CD99: variants seen among roughly 807,000 people sequenced by gnomAD.
CD99 encodes CD99 antigen.
In CD99, 19 loss-of-function variants were observed where a neutral mutation model predicts 28.4. The ratio of observed to expected loss-of-function variants is 0.67; its 90% CI spans 0.47 to 0.98. The LOEUF (loss-of-function observed/expected upper bound fraction) is 0.98, where lower values mean the gene tolerates loss of function less well. Among genes scored for constraint, CD99 ranks in the 50% least tolerant of loss-of-function variants. The pLI, the probability that CD99 is intolerant of heterozygous loss-of-function variation, is 0.00. For missense variants in CD99, 283 were observed against 248.8 expected (o/e 1.14, Z -0.92); for synonymous variants, 103 against 92.1 (o/e 1.12, Z -0.67).
chrX:2,691,969 C>G (rs1569421723), intron 1 of CD99: 1 of 770,596 alleles, frequency 1.3e-6, no homozygotes, highest in East Asian at 2.4e-5. Flanking sequence ...CAAAAATACT[C>G]TGTGGATGCG....
intron 2 of CD99, among the ~76,000 whole-genome samples, chrX:2,716,365 C>G (rs1250311192): frequency 6.6e-6 from 1 of 151,896 alleles, no homozygotes; most frequent in Non-Finnish European, 1.5e-5. Flanking sequence ...GAGACACTGT[C>G]TCGCTGTGTT....
chrX:2,710,514 G>GTTTTTT (rs759886806), intron 1 of CD99, among the ~76,000 whole-genome samples: 1 of 149,924 alleles, frequency 6.7e-6, no homozygotes, highest in African/African-American at 2.5e-5. Flanking sequence ...CACGTGTGGG[G>GTTTTTT]TTTTTTTTTG....
chrX:2,731,039 G>C (rs1215170590), intron 8 of CD99, among the ~76,000 whole-genome samples: 1 of 152,034 alleles, frequency 6.6e-6, no homozygotes, highest in African/African-American at 2.4e-5. Flanking sequence ...CTCACAGCTT[G>C]GTTTTTATAC....
chrX:2,709,303 A>C (rs1041405782), intron 1 of CD99, among the ~76,000 whole-genome samples: 1 of 144,828 alleles, frequency 6.9e-6, no homozygotes, highest in African/African-American at 2.5e-5. Flanking sequence ...AAAACACACA[A>C]GCACATGCAC....
At position 2,740,660 on chromosome X, in the gene CD99, T is replaced by C; in HGVS notation, c.533-119T>C. The C allele has an allele frequency of 3.3e-6, 3 of 904,598 alleles. No homozygotes were observed. In the South Asian group the frequency reaches 4.9e-5, roughly 15 times the overall value. 56.0% of individuals were successfully genotyped at this position (904,598 alleles called of 1,614,324 possible). A position where few individuals can be genotyped will look rare whatever the true frequency, so the allele number is the denominator to read the frequency against. On this transcript the variant is annotated intron_variant, in intron 9 of 9. Transcript: ENST00000381192. Reference sequence around the variant, plus strand: ...GGGTTTTGCTTTCTCGTGATGAGTTTTGGGCCCATTTTTCTTATGCAGAAA... The same window carrying C: ...GGGTTTTGCTTTCTCGTGATGAGTTCTGGGCCCATTTTTCTTATGCAGAAA...
At chrX:2,710,198 G>A (rs1213438497) in intron 1 of CD99, among the ~76,000 whole-genome samples, 1 of 152,158 alleles carries the variant, frequency 6.6e-6, no homozygotes, top group African/African-American at 2.4e-5. Flanking sequence ...CTGTGTTCCG[G>A]CCGTGGGGTG....
At chrX:2,694,078 GCCGTCCCGACAGTA>G (rs1384789858) in intron 1 of CD99, among the ~76,000 whole-genome samples, 2 of 152,172 alleles carry the variant, frequency 1.3e-5, no homozygotes, top group Non-Finnish European at 2.9e-5. Context: ...TTAGGAGCCT[GCCGTCCCGACAGTA>G]GAGTCGCACA....
intron 8 of CD99, among the ~76,000 whole-genome samples, chrX:2,728,582 G>A (rs866373259): frequency 6.6e-6 from 1 of 152,124 alleles, no homozygotes. Flanking sequence ...AGAGACGTAC[G>A]ATTAGAATCA....
intron 2 of CD99, chrX:2,715,297 A>G (rs969481999): frequency 6.6e-6 from 1 of 152,248 alleles, no homozygotes; most frequent in Non-Finnish European, 1.5e-5. Context: ...CTTAAACCAC[A>G]GGGATTTATC....
Position 2,700,271 on chromosome X carries a change from T to G in CD99, c.67+8844T>G, listed in dbSNP as rs188521372. Among the ~76,000 whole-genome samples the G allele has an allele frequency of 3.3e-5, 5 of 152,344 alleles. No homozygotes were observed. In the East Asian group the frequency reaches 9.6e-4, roughly 29 times the overall value. ...TATGGAAGAGAACTCCCTTGAATCC[T>G]GGTGGTGAACTTAGACCAGTCACTG... On this transcript the variant is annotated intron_variant, in intron 1 of 9. Coordinates refer to ENST00000381192, the MANE Select transcript of CD99 (RefSeq NM_002414.5).
chrX:2,720,246 C>T, intron 4 of CD99, 110 bp from the exon 5 acceptor site: 1 of 959,732 alleles, frequency 1.0e-6, no homozygotes. Flanking sequence ...CCCACCAGGA[C>T]AAAGGCCAAG....
intron 1 of CD99, among the ~76,000 whole-genome samples, chrX:2,702,977 C>T (rs143976816): frequency 0.019 from 2,919 of 151,982 alleles, 102 homozygotes; most frequent in African/African-American, 0.067. Flanking sequence ...TTAGTAGAGA[C>T]GGGGTTTCAC....
At position 2,723,550 on chromosome X, in the gene CD99, C is replaced by T. The variant is rs138878536; in HGVS notation, c.361+186C>T. 91 of 676,912 alleles carry T rather than the reference C, an allele frequency of 1.3e-4. No homozygotes were observed. The East Asian group carries it at 2.4e-3, about 18-fold the overall frequency. The allele number at this position is 676,912 out of a possible 1,614,324, so 41.9% of individuals were successfully genotyped here. On this transcript the variant is annotated intron_variant, in intron 7 of 9. Transcript: ENST00000381192. Reference sequence around the variant, plus strand: ...GCAGAGGTCCCCCAGCAAACCAGCCCTGCTCCGGGTGCCCACGTGACGCGG... The same window carrying T: ...GCAGAGGTCCCCCAGCAAACCAGCCTTGCTCCGGGTGCCCACGTGACGCGG...
At chrX:2,734,243 CTATT>C (rs2124279470) in intron 8 of CD99, among the ~76,000 whole-genome samples, 1 of 150,166 alleles carries the variant, frequency 6.7e-6, no homozygotes, top group Admixed American at 6.6e-5. Context: ...TCTTTTCCTT[CTATT>C]TATTTTACTT....
intron 1 of CD99, among the ~76,000 whole-genome samples, chrX:2,694,345 T>A (rs1487333335): frequency 1.3e-5 from 2 of 151,904 alleles, no homozygotes; most frequent in African/African-American, 4.8e-5. Flanking sequence ...GTGTGGAAGT[T>A]ATTAGGAGAA....
chrX:2,705,192 C>T (rs902452587), intron 1 of CD99, among the ~76,000 whole-genome samples: 5 of 152,172 alleles, frequency 3.3e-5, no homozygotes, highest in Admixed American at 1.3e-4. Context: ...CTGGACTCAG[C>T]GGTTAAATCT....
intron 1 of CD99, among the ~76,000 whole-genome samples, chrX:2,699,515 G>A (rs990789074): frequency 6.7e-6 from 1 of 148,596 alleles, no homozygotes; most frequent in African/African-American, 2.5e-5. Context: ...TCTGTCACCA[G>A]GCTGGAGTGC....
chrX:2,693,229 C>G (rs1290873586), intron 1 of CD99, among the ~76,000 whole-genome samples: 1 of 151,146 alleles, frequency 6.6e-6, no homozygotes, highest in Non-Finnish European at 1.5e-5. Context: ...TGGCGTTGCA[C>G]AGTTTTTAAA....
At chrX:2,716,190 T>C (rs2048704722) in intron 2 of CD99, among the ~76,000 whole-genome samples, 1 of 152,120 alleles carries the variant, frequency 6.6e-6, no homozygotes, top group Non-Finnish European at 1.5e-5. Flanking sequence ...AGCTAGTTTT[T>C]GTATTTTCAG....
Sources: allele counts gnomAD v4.1 joint callset (sites outside exome capture counted in the v4.1 genomes callset), GRCh38; gene constraint gnomAD v4.1.1; transcripts MANE v1.5; gene names NCBI Gene and HGNC (gene_info 2026-07-23, HGNC 2026-07-21).